The following FBXW7 variants were observed in gnomAD, a reference collection of about 807,000 sequenced individuals.
FBXW7 encodes the protein F-box/WD repeat-containing protein 7.
In FBXW7, 11 loss-of-function variants were observed where a neutral mutation model predicts 86.3. The observed-to-expected ratio is 0.13, with a 90% CI of 0.08 to 0.21. The LOEUF (loss-of-function observed/expected upper bound fraction) is 0.21, where lower values mean the gene tolerates loss of function less well. Ranked by LOEUF, FBXW7 falls within the 10% of genes least tolerant of loss-of-function variation. The pLI, the probability that FBXW7 is intolerant of heterozygous loss-of-function variation, is 1.00. For missense variants in FBXW7, 488 were observed against 847.4 expected (o/e 0.58, Z 5.27); for synonymous variants, 313 against 297.9 (o/e 1.05, Z -0.52).
intron 2 of FBXW7, among the ~76,000 whole-genome samples, chr4:152,465,526 A>C (rs1278120790): frequency 1.3e-5 from 2 of 152,146 alleles, no homozygotes; most frequent in African/African-American, 4.8e-5. Flanking sequence ...AACATAAACC[A>C]TAAGAATATC....
chr4:152,498,610 T>C (rs1238465427), intron 2 of FBXW7, among the ~76,000 whole-genome samples: 1 of 152,150 alleles, frequency 6.6e-6, no homozygotes, highest in Non-Finnish European at 1.5e-5. Flanking sequence ...GAGCTTATCA[T>C]TTAGTGCGGA....
Position 152,375,277 on chromosome 4 carries a change from A to G in FBXW7, c.502-25153T>C, listed in dbSNP as rs2126753636. ...GGGAGAGGTTGTCACTTATACTGTA[A>G]AGATACCATGCTAAAATTCAGAAAT... On this transcript the variant is annotated intron_variant, in intron 4 of 13. Transcript: ENST00000281708. Among the ~76,000 whole-genome samples the G allele has an allele frequency of 1.3e-5, 2 of 152,236 alleles. 1 individual carries two copies. The highest frequency in any genetic ancestry group is 4.1e-4 in the South Asian group (2 of 4,826).
chr4:152,361,238 A>C (rs1937668638), intron 4 of FBXW7, among the ~76,000 whole-genome samples: 1 of 152,206 alleles, frequency 6.6e-6, no homozygotes, highest in Admixed American at 6.5e-5. Context: ...ATAGCTGTCA[A>C]GTGAGTAGGG....
At chr4:152,341,996 T>C (rs1441247613) in intron 6 of FBXW7, among the ~76,000 whole-genome samples, 1 of 152,130 alleles carries the variant, frequency 6.6e-6, no homozygotes, top group Non-Finnish European at 1.5e-5. Context: ...GAGTGTTGGA[T>C]AATTCTTTTA....
chr4:152,440,183 A>G (rs1740759942), intron 2 of FBXW7, among the ~76,000 whole-genome samples: 1 of 152,180 alleles, frequency 6.6e-6, no homozygotes, highest in Admixed American at 6.5e-5. Context: ...GGTATATACT[A>G]TGTCTTCTAA....
intron 2 of FBXW7, among the ~76,000 whole-genome samples, chr4:152,439,972 G>T (rs1740739937): frequency 6.6e-6 from 1 of 150,856 alleles, no homozygotes; most frequent in African/African-American, 2.4e-5. Flanking sequence ...TGCACTAAAA[G>T]ATTAAATTTT....
At chr4:152,435,819 T>G (rs1029424707) in intron 2 of FBXW7, among the ~76,000 whole-genome samples, 1 of 152,236 alleles carries the variant, frequency 6.6e-6, no homozygotes, top group African/African-American at 2.4e-5. Context: ...ATGTGGTAAC[T>G]TCATGTCTCT....
chr4:152,396,930 T>C (rs2126826620), intron 4 of FBXW7, among the ~76,000 whole-genome samples: 1 of 152,094 alleles, frequency 6.6e-6, no homozygotes, highest in South Asian at 2.1e-4. Context: ...CTCGGTAAAA[T>C]TTAGAACTAA....
At chr4:152,380,640 CTCCTA>C (rs987599955) in intron 4 of FBXW7, among the ~76,000 whole-genome samples, 3 of 151,908 alleles carry the variant, frequency 2.0e-5, no homozygotes, top group African/African-American at 7.2e-5. Context: ...ACAGAATCTT[CTCCTA>C]TGTCTTTTAA....
chr4:152,333,616 TA>T (rs1729781655), intron 7 of FBXW7, among the ~76,000 whole-genome samples: 1 of 152,096 alleles, frequency 6.6e-6, no homozygotes, highest in Non-Finnish European at 1.5e-5. Flanking sequence ...TCATATGAAA[TA>T]AATGACAAGA....
At chr4:152,449,388 TAAAATATACAAGCAA>T (rs1022668624) in intron 2 of FBXW7, among the ~76,000 whole-genome samples, 13 of 152,284 alleles carry the variant, frequency 8.5e-5, no homozygotes, top group Non-Finnish European at 1.9e-4. Flanking sequence ...GGTAACTGAA[TAAAATATACAAGCAA>T]AAATTCCCTC....
chr4:152,322,794 C>T lies in FBXW7; in HGVS notation c.*87G>A, dbSNP rs2126455080. On this transcript the variant is annotated 3_prime_UTR_variant, in exon 14 of 14. Coordinates refer to ENST00000281708, the MANE Select transcript of FBXW7 (RefSeq NM_001349798.2). ...ACCACTGAGAACAAGGGATTTTTTT[C>T]TTTTTCTTTTCTTTTTTTCTTTTTG... 47 of 1,551,152 alleles carry T rather than the reference C, an allele frequency of 3.0e-5. No homozygotes were observed. In the Admixed American group the frequency reaches 4.9e-4, roughly 16 times the overall value.
At chr4:152,415,349 T>C (rs1579137661) in intron 2 of FBXW7, among the ~76,000 whole-genome samples, 1 of 152,120 alleles carries the variant, frequency 6.6e-6, no homozygotes, top group Non-Finnish European at 1.5e-5. Flanking sequence ...GTATAATCCA[T>C]TAGGCTTGAG....
At chr4:152,326,398 G>A (rs1729022857) in intron 11 of FBXW7, among the ~76,000 whole-genome samples, 167 bp from the exon 12 acceptor site, 2 of 148,544 alleles carry the variant, frequency 1.3e-5, no homozygotes, top group Admixed American at 1.4e-4. Context: ...TAAAACCTTG[G>A]TATATAAACA....
intron 2 of FBXW7, among the ~76,000 whole-genome samples, chr4:152,488,143 A>C (rs1267565423): frequency 1.3e-5 from 2 of 152,054 alleles, no homozygotes; most frequent in Non-Finnish European, 2.9e-5. Context: ...TTTGTCAATC[A>C]CTTTGACTAA....
intron 2 of FBXW7, among the ~76,000 whole-genome samples, chr4:152,432,964 TATG>T (rs1740049598): frequency 6.6e-6 from 1 of 152,234 alleles, no homozygotes; most frequent in African/African-American, 2.4e-5. Context: ...ATCATTTTTA[TATG>T]ATGTTTATAT....
At chr4:152,348,742 T>A in intron 5 of FBXW7, 1 of 1,115,870 alleles carries the variant, frequency 9.0e-7, no homozygotes, top group Non-Finnish European at 1.2e-6. Flanking sequence ...ACAGTTAGTT[T>A]AACATTAAAT....
chr4:152,523,974 G>A (rs1296947130), intron 2 of FBXW7, among the ~76,000 whole-genome samples: 4 of 152,146 alleles, frequency 2.6e-5, no homozygotes, highest in Admixed American at 2.0e-4. Flanking sequence ...ATAGTAACAC[G>A]TTCAGGAGCA....
chr4:152,442,906 C>T (rs1040201063), intron 2 of FBXW7, among the ~76,000 whole-genome samples: 7 of 152,196 alleles, frequency 4.6e-5, no homozygotes, highest in African/African-American at 1.2e-4. Context: ...GCCTCCTCAA[C>T]GCTAAAACAA....
Sources: gnomAD v4.1 joint callset for allele counts (sites outside exome capture counted in the v4.1 genomes callset) on GRCh38, gnomAD v4.1.1 for gene constraint, MANE v1.5 for transcripts, NCBI Gene and HGNC (gene_info 2026-07-23, HGNC 2026-07-21) for gene names.